Variants in CIC observed in about 807,000 individuals in gnomAD.
The protein encoded by CIC is capicua transcriptional repressor, also known as protein capicua homolog.
CIC carries 18 observed loss-of-function variants against 115.7 expected under a neutral mutation model. The observed-to-expected ratio is 0.16, with a 90% CI of 0.11 to 0.23. The LOEUF (loss-of-function observed/expected upper bound fraction) is 0.23, where lower values mean the gene tolerates loss of function less well. CIC is among the 10% of genes least tolerant of loss of function. The probability of loss-of-function intolerance (pLI) is 1.00; values close to 1 mark genes in which losing one functional copy is unlikely to be tolerated. For synonymous variants in CIC, 1,076 were observed against 923.0 expected (o/e 1.17, Z -3.01); for missense variants, 2,000 against 2,159.3 (o/e 0.93, Z 1.46).
In CIC at chr19:42,295,019, G is replaced by A; in HGVS notation, c.7382G>A (p.Ser2461Asn). 6.3e-7 allele frequency: 1 copy of A among 1,576,016 alleles called. No homozygotes were observed. The highest frequency in any genetic ancestry group is 2.3e-5 in the East Asian group (1 of 44,032). ...GTAAAPAPTP[S>N]PAGGPDPTSP... ...GCTGCTGCCCCTGCCCCCACTCCCA[G>A]CCCCGCAGGGGGCCCTGACCCCACC... The change falls in exon 21 of 21, where the codon AGC (serine) becomes AAC (asparagine). Residue 2461 changes from serine (S) to asparagine (N), a missense_variant. Coordinates refer to ENST00000681038, the MANE Select transcript of CIC (RefSeq NM_001386298.1).
At position 42,291,126 on chromosome 19, in the gene CIC, T is replaced by C. The variant is rs2147268048; in HGVS notation, c.5085T>C (p.Pro1695=). ...PAVQFIAQGA[P]GGGTTAGSGA... ...TCCAGTTCATTGCCCAGGGGGCCCC[T>C]GGTGGTGGGACCACTGCGGGCTCAG... Residue 1695 remains proline (P), a synonymous_variant, in exon 11 of 21, where the codon CCT becomes CCC. Coordinates refer to ENST00000681038, the MANE Select transcript of CIC (RefSeq NM_001386298.1). The C allele has an allele frequency of 6.2e-7, 1 of 1,609,122 alleles. No individual in the cohort carries two copies. Among genetic ancestry groups the C allele is most frequent in the Non-Finnish European group, 8.5e-7 (1 of 1,176,658 alleles).
chr19:42,280,669 G>A lies in CIC; in HGVS notation c.2794+6092G>A, dbSNP rs2037192751. On this transcript the variant is annotated intron_variant, in intron 2 of 20. Transcript: ENST00000681038. The surrounding 1 kb of genome is among the most constrained non-coding windows in gnomAD (Gnocchi z 4.9). ...CCCGCGTGGGTGTCAGGCCGGCCGGGCACCCGTCCGCCCTCCCTGCACAAA... is the reference window on the plus strand; with the variant it reads ...CCCGCGTGGGTGTCAGGCCGGCCGGACACCCGTCCGCCCTCCCTGCACAAA... Among the ~76,000 whole-genome samples the A allele has an allele frequency of 6.6e-6, 1 of 152,132 alleles. No homozygotes were observed. Among genetic ancestry groups the A allele is most frequent in the Non-Finnish European group, 1.5e-5 (1 of 67,982 alleles).
Position 42,290,658 on chromosome 19 carries a change from A to T in CIC, c.4617A>T (p.Thr1539=), listed in dbSNP as rs1474254517. 6.2e-7 allele frequency: 1 copy of T among 1,613,376 alleles called. No homozygotes were observed. The highest frequency in any genetic ancestry group is 8.5e-7 in the Non-Finnish European group (1 of 1,179,900). Residue 1539 remains threonine (T), a synonymous_variant, in exon 11 of 21, where the codon ACA becomes ACT. Coordinates refer to ENST00000681038, the MANE Select transcript of CIC (RefSeq NM_001386298.1). ...PPSGGGNILQ[T]LVLPPNKEEQ... Reference sequence around the variant, plus strand: ...GCGGAGGAGGAAACATCCTGCAGACACTGGTGCTGCCCCCAAACAAGGAGG... The same window carrying T: ...GCGGAGGAGGAAACATCCTGCAGACTCTGGTGCTGCCCCCAAACAAGGAGG...
chr19:42,293,588 C>G lies in CIC; in HGVS notation c.6523-4C>G, dbSNP rs761883558. ...CGCCATCTCCCTGCCCATCTCCACC[C>G]CAGGCCAGCAAATTCCCCAGCTCAT... On this transcript the variant is annotated splice_region_variant and splice_polypyrimidine_tract_variant and intron_variant, in intron 16 of 20. Coordinates refer to ENST00000681038, the MANE Select transcript of CIC (RefSeq NM_001386298.1). The G allele has an allele frequency of 6.2e-7, 1 of 1,613,860 alleles. No individual in the cohort carries two copies. The highest frequency in any genetic ancestry group is 1.7e-5 in the Admixed American group (1 of 60,026).
At position 42,274,095 on chromosome 19, in the gene CIC, T is replaced by G. The variant is rs1179786073; in HGVS notation, c.2312T>G (p.Val771Gly). 1 of 400,114 alleles carries G rather than the reference T, an allele frequency of 2.5e-6. No individual in the cohort carries two copies. Among genetic ancestry groups the G allele is most frequent in the African/African-American group, 2.1e-5 (1 of 48,676 alleles). The allele number at this position is 400,114 out of a possible 1,614,324, so 24.8% of individuals were successfully genotyped here. A position where few individuals can be genotyped will look rare whatever the true frequency, so the allele number is the denominator to read the frequency against. ...PAGFRAVSPA[V>G]PFSRSRQPSP... is the part of the protein sequence containing the mutation. ...GGCTTCCGGGCCGTGTCCCCTGCTGTGCCCTTCTCTCGCTCCCGCCAGCCC... is the reference window on the plus strand; with the variant it reads ...GGCTTCCGGGCCGTGTCCCCTGCTGGGCCCTTCTCTCGCTCCCGCCAGCCC... The change falls in exon 2 of 21, where the codon GTG becomes GGG. Residue 771 changes from valine to glycine, a missense_variant. Around this residue, in one of 8 missense-constraint regions of CIC, gnomAD observed 222 missense variants for 247.7 expected, o/e 0.90. Coordinates refer to ENST00000681038, the MANE Select transcript of CIC (RefSeq NM_001386298.1).
rs370293703 is a variant in CIC, at chr19:42,291,068, C to G, written c.5027C>G (p.Thr1676Ser). 1.9e-6 allele frequency: 3 copies of G among 1,613,880 alleles called. No homozygotes were observed. In the South Asian group the frequency reaches 3.3e-5, roughly 18 times the overall value. The change falls in exon 11 of 21, where the codon ACC becomes AGC. Residue 1676 changes from threonine to serine, a missense_variant. Thr to Ser is a moderately conservative substitution (Grantham distance 58). Transcript: ENST00000681038. ...ACTGTCACTAACCTACTGGTGGGCA[C>G]CCCGGGGTATGGGGCCCCTGCGCCC... ...PATVTNLLVG[T>S]PGYGAPAPPA...
Position 42,291,713 on chromosome 19 carries a change from C to T in CIC, c.5581C>T (p.Pro1861Ser), listed in dbSNP as rs772334813. Residue 1861 changes from proline (P) to serine (S), a missense_variant, in exon 12 of 21, where the codon CCT becomes TCT. By Grantham distance (74) the Pro-to-Ser change is moderately conservative. Coordinates refer to ENST00000681038, the MANE Select transcript of CIC (RefSeq NM_001386298.1). ...ACTGGTGAGCCCGCCCTTCTCAGTA[C>T]CTGTGCAGAATGGTGCCCAGCCCCC... ...LPLVSPPFSVPVQNGAQPPSK... is the reference protein window; with the variant it reads ...LPLVSPPFSVSVQNGAQPPSK... The T allele has an allele frequency of 1.6e-5, 25 of 1,612,872 alleles. No individual in the cohort carries two copies. The highest frequency in any genetic ancestry group is 2.2e-5 in the South Asian group (2 of 91,094).
chr19:42,288,344 G>C (rs2037813559), intron 7 of CIC, among the ~76,000 whole-genome samples: 1 of 152,196 alleles, frequency 6.6e-6, no homozygotes, highest in Non-Finnish European at 1.5e-5. Flanking sequence ...AAATGACAGA[G>C]CCAGAATGTA....
chr19:42,293,991 G>A lies in CIC; in HGVS notation c.6824G>A (p.Arg2275Gln). ...EERFAELPEFRPEEVLPSPTL... is the reference protein window; with the variant it reads ...EERFAELPEFQPEEVLPSPTL... The stretch of plus-strand genomic sequence containing the variant: ...CGCTTTGCTGAGTTGCCTGAGTTTC[G>A]GCCTGAGGAGGTGCTGCCCTCCCCC... Residue 2275 changes from arginine (R) to glutamine (Q), a missense_variant, in exon 18 of 21, where the codon CGG becomes CAG. Physicochemically the swap from Arg to Gln is conservative, Grantham distance 43. Transcript: ENST00000681038. 1 of 1,613,566 alleles carries A rather than the reference G, an allele frequency of 6.2e-7. No individual in the cohort carries two copies. The highest frequency in any genetic ancestry group is 2.2e-5 in the East Asian group (1 of 44,872).
chr19:42,288,106 C>A (rs2037787154), intron 7 of CIC, 131 bp downstream of exon 7: 68 of 1,040,158 alleles, frequency 6.5e-5, no homozygotes, highest in Middle Eastern at 5.9e-4. Context: ...CGACCCTTAT[C>A]CGTAAAGGAA....
chr19:42,292,382 T>A lies in CIC; in HGVS notation c.5818T>A (p.Ser1940Thr), dbSNP rs369373491. 4 of 1,612,672 alleles carry A rather than the reference T, an allele frequency of 2.5e-6. No individual in the cohort carries two copies. In the African/African-American group the frequency reaches 5.3e-5, roughly 22 times the overall value. Residue 1940 changes from serine to threonine, a missense_variant, in exon 14 of 21, where the codon TCG becomes ACG. This residue lies in a region of CIC where 1,466 missense variants were observed against 1,390.4 expected (regional missense o/e 1.05). Coordinates refer to ENST00000681038, the MANE Select transcript of CIC (RefSeq NM_001386298.1). ...GTCCAGCCAGGCTGGAACAGTCACC[T>A]CGTACGGGCCCACGAGCTCTGTAGC... ...PASSQAGTVT[S>T]YGPTSSVALG...
In CIC at chr19:42,293,242, T is replaced by C; in HGVS notation, c.6483T>C (p.Pro2161=). The change falls in exon 16 of 21, where the codon CCT becomes CCC. Residue 2161 remains proline, a synonymous_variant. Transcript: ENST00000681038. ...TARSSPPLPP[P]AEERTSAKGP... is the part of the protein sequence containing the mutation. Reference sequence around the variant, plus strand: ...GGAGCAGCCCCCCACTGCCCCCACCTGCTGAGGAGCGGACCAGCGCCAAGG... The same window carrying C: ...GGAGCAGCCCCCCACTGCCCCCACCCGCTGAGGAGCGGACCAGCGCCAAGG... 2 of 1,593,202 alleles carry C rather than the reference T, an allele frequency of 1.3e-6. 1 individual carries two copies. Among genetic ancestry groups the C allele is most frequent in the South Asian group, 2.3e-5 (2 of 88,314 alleles).
chr19:42,293,133 C>A lies in CIC; in HGVS notation c.6374C>A (p.Pro2125Gln). 1 of 1,608,172 alleles carries A rather than the reference C, an allele frequency of 6.2e-7. No homozygotes were observed. ...CTGGAGCCTGGCCCAGTCCGAGAGC[C>A]AACTGCCCCAGAGTCTGAGCTTGAG... is the stretch of plus-strand genomic sequence containing the variant. ...QPLEPGPVRE[P>Q]TAPESELEGQ... The change falls in exon 16 of 21, where the codon CCA becomes CAA. Residue 2125 changes from proline to glutamine, a missense_variant. Transcript: ENST00000681038.
rs770432529 is a variant in CIC, at chr19:42,295,225, C to T, written c.*34C>T. ...TGAGAAGATGCCAGGACTTATAGTA[C>T]CCCCTCAGGACATGGACAGTATGTG... On this transcript the variant is annotated 3_prime_UTR_variant, in exon 21 of 21. Transcript: ENST00000681038. The T allele has an allele frequency of 6.6e-7, 1 of 1,507,188 alleles. No individual in the cohort carries two copies. The highest frequency in any genetic ancestry group is 2.0e-5 in the Admixed American group (1 of 49,450). The allele number at this position is 1,507,188 out of a possible 1,614,324, so 93.4% of individuals were successfully genotyped here.
chr19:42,288,588 G>A (rs932991627), intron 7 of CIC, among the ~76,000 whole-genome samples: 4 of 152,100 alleles, frequency 2.6e-5, no homozygotes, highest in African/African-American at 9.7e-5. Context: ...TTGAGATGAG[G>A]GAACCGAGGC....
intron 2 of CIC, among the ~76,000 whole-genome samples, chr19:42,277,034 T>G (rs1268594971): frequency 6.6e-6 from 1 of 152,206 alleles, no homozygotes; most frequent in African/African-American, 2.4e-5. Context: ...CTACCAAAAG[T>G]GGCAGTAATA....
chr19:42,292,078 C>T lies in CIC; in HGVS notation c.5614-8C>T. 1 of 1,613,600 alleles carries T rather than the reference C, an allele frequency of 6.2e-7. No individual in the cohort carries two copies. The highest frequency in any genetic ancestry group is 8.5e-7 in the Non-Finnish European group (1 of 1,180,018). On this transcript the variant is annotated splice_polypyrimidine_tract_variant and splice_region_variant and intron_variant, in intron 12 of 20. Coordinates refer to ENST00000681038, the MANE Select transcript of CIC (RefSeq NM_001386298.1). ...CTCACCCTGGCCTATGGGTGCCCTT[C>T]TCCACAGATCATCCAGCTGACCCCG... is the stretch of plus-strand genomic sequence containing the variant.
At chr19:42,285,347 C>G (rs954770203) in intron 2 of CIC, among the ~76,000 whole-genome samples, 1 of 152,124 alleles carries the variant, frequency 6.6e-6, no homozygotes, top group Non-Finnish European at 1.5e-5. Context: ...TGGGAAAGAT[C>G]TTTGCAAAGA....
In CIC at chr19:42,292,678, C is replaced by T. The variant is rs200127671; in HGVS notation, c.6015C>T (p.Tyr2005=). The T allele has an allele frequency of 1.2e-6, 2 of 1,613,880 alleles. No homozygotes were observed. Among genetic ancestry groups the T allele is most frequent in the African/African-American group, 2.7e-5 (2 of 75,040 alleles). ...GAGGTCCTGTCATAACAGCATTTTA[C>T]TCTGGCAGCCCTGCACCCACCTCCT... ...APGGPVITAF[Y]SGSPAPTSSA... The change falls in exon 15 of 21, where the codon TAC becomes TAT. Residue 2005 remains tyrosine, a synonymous_variant. Coordinates refer to ENST00000681038, the MANE Select transcript of CIC (RefSeq NM_001386298.1).
Sources: allele counts gnomAD v4.1 joint callset (sites outside exome capture counted in the v4.1 genomes callset), GRCh38; gene constraint gnomAD v4.1.1; regional missense constraint gnomAD v4.1.1; non-coding constraint Gnocchi (gnomAD v3.1); transcripts MANE v1.5; gene names NCBI Gene and HGNC (gene_info 2026-07-23, HGNC 2026-07-21).